The following HEMK2 variants were observed in gnomAD, a reference collection of about 807,000 sequenced individuals.
The protein encoded by HEMK2 is HemK methyltransferase 2, ETF1 glutamine and histone H4 lysine, also known as methyltransferase HEMK2.
At chr21:28,653,694 T>C in the HEMK2 span, among the ~76,000 whole-genome samples, 1,062 of 152,304 alleles carry the variant, frequency 7.0e-3, 11 homozygotes, top group African/African-American at 0.024. Context: ...AATGAAAGCA[T>C]TGCTGCTTCC....
the HEMK2 span, among the ~76,000 whole-genome samples, chr21:28,736,482 G>A: frequency 6.6e-5 from 10 of 152,156 alleles, no homozygotes; most frequent in Non-Finnish European, 8.8e-5. Flanking sequence ...GTGGCCGGAC[G>A]CGGTGGCTCA....
the HEMK2 span, among the ~76,000 whole-genome samples, chr21:28,627,251 G>T: frequency 1.3e-5 from 2 of 152,108 alleles, no homozygotes; most frequent in African/African-American, 4.8e-5. Flanking sequence ...GAAATTTCTG[G>T]GGTTATGGAA....
the HEMK2 span, among the ~76,000 whole-genome samples, chr21:28,580,428 C>G: frequency 6.6e-6 from 1 of 152,054 alleles, no homozygotes. Context: ...CAACAAGTGG[C>G]TCTCTGGATC....
chr21:28,845,449 C>T, the HEMK2 span, among the ~76,000 whole-genome samples: 3 of 151,998 alleles, frequency 2.0e-5, no homozygotes, highest in Non-Finnish European at 4.4e-5. Context: ...CCTTCTTTGG[C>T]CAATCATACC....
chr21:28,819,009 CTG>C, the HEMK2 span, among the ~76,000 whole-genome samples: 1 of 152,124 alleles, frequency 6.6e-6, no homozygotes, highest in Non-Finnish European at 1.5e-5. Flanking sequence ...CTCACATGTC[CTG>C]TCTTTACCAT....
the HEMK2 span, among the ~76,000 whole-genome samples, chr21:28,844,218 C>T: frequency 6.6e-6 from 1 of 151,776 alleles, no homozygotes; most frequent in Non-Finnish European, 1.5e-5. Context: ...CAGTCAATAC[C>T]ATCTGATTTT....
the HEMK2 span, chr21:28,875,609 T>C: frequency 3.3e-5 from 5 of 152,672 alleles, no homozygotes; most frequent in African/African-American, 1.2e-4. Flanking sequence ...AACTAGCAGC[T>C]TTTTGAGTCA....
the HEMK2 span, among the ~76,000 whole-genome samples, chr21:28,649,076 G>A: frequency 6.6e-6 from 1 of 151,996 alleles, no homozygotes; most frequent in Middle Eastern, 3.4e-3. Flanking sequence ...GAGAATGATG[G>A]TTTCCAGTTT....
chr21:28,801,984 C>CAT, the HEMK2 span, among the ~76,000 whole-genome samples: 35 of 151,776 alleles, frequency 2.3e-4, 1 homozygote, highest in East Asian at 1.2e-3. Flanking sequence ...ATTGAAATTA[C>CAT]ATATATATAT....
the HEMK2 span, among the ~76,000 whole-genome samples, chr21:28,807,149 C>G: frequency 7.2e-5 from 11 of 152,162 alleles, no homozygotes; most frequent in Non-Finnish European, 1.6e-4. Flanking sequence ...ATCAAATCTG[C>G]AACCACCCGA....
the HEMK2 span, among the ~76,000 whole-genome samples, chr21:28,760,753 T>C: frequency 6.6e-6 from 1 of 152,164 alleles, no homozygotes; most frequent in African/African-American, 2.4e-5. Context: ...GGGTAATTTG[T>C]GTTTTTGATC....
At chr21:28,845,964 G>A in the HEMK2 span, among the ~76,000 whole-genome samples, 5 of 152,130 alleles carry the variant, frequency 3.3e-5, no homozygotes, top group East Asian at 9.7e-4. Flanking sequence ...CTGCCCTCAA[G>A]TAGGCCCAGT....
chr21:28,812,322 T>C, the HEMK2 span, among the ~76,000 whole-genome samples: 1 of 152,194 alleles, frequency 6.6e-6, no homozygotes, highest in Non-Finnish European at 1.5e-5. Flanking sequence ...ATTCCATCAA[T>C]ACCTAGTTTA....
chr21:28,854,413 G>T, the HEMK2 span, among the ~76,000 whole-genome samples: 1 of 149,070 alleles, frequency 6.7e-6, no homozygotes, highest in South Asian at 2.2e-4. Context: ...TTAATATTTT[G>T]TTCCTCTAGA....
At chr21:28,810,824 T>C in the HEMK2 span, among the ~76,000 whole-genome samples, 1 of 152,202 alleles carries the variant, frequency 6.6e-6, no homozygotes, top group African/African-American at 2.4e-5. Flanking sequence ...TTCTGTGTTC[T>C]GCCAGTCCTT....
chr21:28,830,570 T>C, the HEMK2 span, among the ~76,000 whole-genome samples: 1 of 152,218 alleles, frequency 6.6e-6, no homozygotes, highest in Non-Finnish European at 1.5e-5. Context: ...AAATGTTGTT[T>C]ATTTTTTAAA....
chr21:28,855,879 G>A, the HEMK2 span, among the ~76,000 whole-genome samples: 1 of 152,116 alleles, frequency 6.6e-6, no homozygotes, highest in African/African-American at 2.4e-5. Context: ...TTAAGAGGGA[G>A]GTTGACAATG....
the HEMK2 span, among the ~76,000 whole-genome samples, chr21:28,677,098 G>T: frequency 6.6e-6 from 1 of 152,152 alleles, no homozygotes; most frequent in Non-Finnish European, 1.5e-5. Context: ...GCAGGGCAAG[G>T]CATCGCCTCA....
chr21:28,648,833 G>A, the HEMK2 span, among the ~76,000 whole-genome samples: 4 of 151,752 alleles, frequency 2.6e-5, no homozygotes, highest in Non-Finnish European at 5.9e-5. Flanking sequence ...TGTGCACAAC[G>A]TGCAGGTTAG....
Sources: gnomAD v4.1 joint callset for allele counts (sites outside exome capture counted in the v4.1 genomes callset) on GRCh38, gnomAD v4.1.1 for gene constraint, MANE v1.5 for transcripts, NCBI Gene and HGNC (gene_info 2026-07-23, HGNC 2026-07-21) for gene names.